SETD5: variants seen among roughly 807,000 people sequenced by gnomAD.
SETD5 encodes histone-lysine N-methyltransferase SETD5.
Under a neutral mutation model 153.3 loss-of-function variants are expected in SETD5, and 44 were observed. The ratio of observed to expected loss-of-function variants is 0.29; its 90% CI spans 0.23 to 0.37. SETD5 has a LOEUF of 0.37. SETD5 is among the 10% of genes least tolerant of loss of function. SETD5 has a pLI of 1.00. For synonymous variants in SETD5, 716 were observed against 645.2 expected, an observed-to-expected ratio of 1.11 and a Z score of -1.66; for missense variants, 1,544 against 1,768.0, an observed-to-expected ratio of 0.87 and a Z score of 2.27.
chr3:9,412,387 GTTT>G (rs370566998), intron 1 of SETD5, among the ~76,000 whole-genome samples: 6 of 89,540 alleles, frequency 6.7e-5, no homozygotes, highest in African/African-American at 1.6e-4. Flanking sequence ...ACAGTTTTGG[GTTT>G]TTTTTTTTTT....
At chr3:9,407,405 A>G (rs1355679773) in intron 1 of SETD5, among the ~76,000 whole-genome samples, 1 of 152,164 alleles carries the variant, frequency 6.6e-6, no homozygotes, top group Non-Finnish European at 1.5e-5. Flanking sequence ...GTCCCAGGGG[A>G]AGACATGTAT....
At chr3:9,452,659 A>ATTTTTTTTTTTTTTTTTTTTTTTTTT in intron 16 of SETD5, among the ~76,000 whole-genome samples, 1 of 59,822 alleles carries the variant, frequency 1.7e-5, no homozygotes, top group Non-Finnish European at 3.2e-5. Context: ...ATGATGTAAG[A>ATTTTTTTTTTTTTTTTTTTTTTTTTT]TTTTTTTTTT....
At chr3:9,411,449 A>G (rs778717549) in intron 1 of SETD5, among the ~76,000 whole-genome samples, 1 of 152,220 alleles carries the variant, frequency 6.6e-6, no homozygotes, top group Non-Finnish European at 1.5e-5. Flanking sequence ...CATTTCAGCA[A>G]TACGTCACTT....
chr3:9,444,001 G>GC (rs1397066097), intron 11 of SETD5, among the ~76,000 whole-genome samples: 1 of 152,182 alleles, frequency 6.6e-6, no homozygotes, highest in Non-Finnish European at 1.5e-5. Context: ...GGCTGAGGCT[G>GC]CAGTAAGCCA....
rs376328853 is a variant in SETD5 at position 9,407,054 on chromosome 3, G to A, written c.-177+9077G>A. ...CAGAAGTTGCTGTAGCCAGCCAGGCGTGGCGGCTCACACTTGTAATCCCAG... is the reference window on the plus strand; with the variant it reads ...CAGAAGTTGCTGTAGCCAGCCAGGCATGGCGGCTCACACTTGTAATCCCAG... On this transcript the variant is annotated intron_variant, in intron 1 of 22. Coordinates refer to ENST00000402198, the MANE Select transcript of SETD5 (RefSeq NM_001080517.3). Among the ~76,000 whole-genome samples, 204 of 152,332 alleles carry A rather than the reference G, an allele frequency of 1.3e-3. 4 individuals are homozygous for A. In the East Asian group the frequency reaches 0.024, roughly 18 times the overall value.
intron 1 of SETD5, among the ~76,000 whole-genome samples, chr3:9,419,626 A>G (rs889229165): frequency 1.6e-4 from 25 of 152,234 alleles, no homozygotes; most frequent in African/African-American, 5.1e-4. Context: ...AGTAATTACT[A>G]TAATAAACAA....
rs201561587 is a variant in SETD5 at position 9,447,813 on chromosome 3, A to C, written c.1910A>C (p.Asn637Thr). 2.2e-4 allele frequency: 362 copies of C among 1,614,058 alleles called. No individual in the cohort carries two copies. In the African/African-American group the frequency reaches 3.0e-3, roughly 14 times the overall value. Residue 637 changes from asparagine (N) to threonine (T), a missense_variant, in exon 15 of 23, where the codon AAT (asparagine) becomes ACT (threonine). By Grantham distance (65) the Asn-to-Thr change is moderately conservative. This residue lies in a region of SETD5 where 782 missense variants were observed against 787.2 expected (regional missense o/e 0.99). Coordinates refer to ENST00000402198, the MANE Select transcript of SETD5 (RefSeq NM_001080517.3). ...AGACTAAAGCGTCAGAAGCAGGCCA[A>C]TGCACAGCAGGCAGAATTGTCACAA... ...AQRLKRQKQA[N>T]AQQAELSQAA... is the part of the protein sequence containing the mutation.
At chr3:9,427,818 T>C (rs1325667429) in intron 2 of SETD5, among the ~76,000 whole-genome samples, 1 of 152,228 alleles carries the variant, frequency 6.6e-6, no homozygotes, top group East Asian at 1.9e-4. Context: ...AAACTACTAA[T>C]GTAAAGTCAC....
Position 9,445,258 on chromosome 3 carries a change from A to T in SETD5, c.1398A>T (p.Ser466=). The T allele has an allele frequency of 1.2e-6, 2 of 1,610,238 alleles. No individual in the cohort carries two copies. The highest frequency in any genetic ancestry group is 1.7e-6 in the Non-Finnish European group (2 of 1,177,916). The stretch of plus-strand genomic sequence containing the variant: ...CAGAGGAGAATAATGACCAGCAATC[A>T]CAAGAAGTTCCAGAAAAAGTAACTG... ...EASEENNDQQ[S]QEVPEKVTVS... is the part of the protein sequence containing the mutation. The change falls in exon 12 of 23, where the codon TCA becomes TCT. Residue 466 remains serine, a synonymous_variant. Transcript: ENST00000402198.
At chr3:9,470,183 T>C (rs1278386322) in intron 18 of SETD5, among the ~76,000 whole-genome samples, 1 of 152,176 alleles carries the variant, frequency 6.6e-6, no homozygotes, top group Non-Finnish European at 1.5e-5. Context: ...GCAGGCAAAA[T>C]AGTCACATTT....
intron 1 of SETD5, among the ~76,000 whole-genome samples, chr3:9,411,289 T>C (rs1417625787): frequency 6.6e-6 from 1 of 152,204 alleles, no homozygotes; most frequent in African/African-American, 2.4e-5. Context: ...ATGTATGTTA[T>C]TTAGAAAGGA....
intron 16 of SETD5, among the ~76,000 whole-genome samples, chr3:9,451,874 A>G (rs1008874529): frequency 1.3e-5 from 2 of 152,250 alleles, no homozygotes; most frequent in Non-Finnish European, 2.9e-5. Flanking sequence ...CTCCTTTGCA[A>G]TATATTTTAA....
chr3:9,470,325 T>G (rs1332375271), intron 18 of SETD5, 134 bp from the exon 19 acceptor site: 2 of 697,844 alleles, frequency 2.9e-6, no homozygotes, highest in East Asian at 2.6e-5. Flanking sequence ...TTACAGAATA[T>G]AATGGCTTTA....
intron 18 of SETD5, among the ~76,000 whole-genome samples, chr3:9,466,440 GT>G (rs1014324659): frequency 1.3e-5 from 2 of 151,324 alleles, no homozygotes; most frequent in African/African-American, 2.4e-5. Flanking sequence ...GTTTTGTTTT[GT>G]TTTTTTTAAT....
At chr3:9,471,758 A>G (rs2045327085) in intron 19 of SETD5, among the ~76,000 whole-genome samples, 1 of 152,216 alleles carries the variant, frequency 6.6e-6, no homozygotes, top group Non-Finnish European at 1.5e-5. Flanking sequence ...AGTGTTTTGA[A>G]TTGTCCCAGT....
intron 1 of SETD5, among the ~76,000 whole-genome samples, chr3:9,413,684 GTA>G (rs1491009463): frequency 2.2e-5 from 3 of 138,696 alleles, no homozygotes; most frequent in Non-Finnish European, 4.8e-5. Context: ...GTGTGTGTGT[GTA>G]TTATTTATTT....
chr3:9,421,835 C>T (rs1047206537), intron 1 of SETD5, among the ~76,000 whole-genome samples: 1 of 152,098 alleles, frequency 6.6e-6, no homozygotes, highest in South Asian at 2.1e-4. Context: ...TATATCTGTT[C>T]ATTTTCGTTA....
chr3:9,401,773 T>A (rs2034824446), intron 1 of SETD5, among the ~76,000 whole-genome samples: 1 of 152,182 alleles, frequency 6.6e-6, no homozygotes, highest in South Asian at 2.1e-4. Context: ...GATTCATCAG[T>A]TTAATTTGAA....
intron 21 of SETD5, 106 bp downstream of exon 21, chr3:9,474,688 T>A: frequency 6.8e-7 from 1 of 1,480,168 alleles, no homozygotes; most frequent in Non-Finnish European, 9.1e-7. Flanking sequence ...TCTGATGCAG[T>A]TGGGCTCCAC....
Sources: allele counts gnomAD v4.1 joint callset (sites outside exome capture counted in the v4.1 genomes callset), GRCh38; gene constraint gnomAD v4.1.1; regional missense constraint gnomAD v4.1.1; transcripts MANE v1.5; gene names NCBI Gene and HGNC (gene_info 2026-07-23, HGNC 2026-07-21).